The following EVC2 variants were observed in gnomAD, a reference collection of about 807,000 sequenced individuals.
EVC2 encodes EvC ciliary complex subunit 2, also known as limbin.
A neutral mutation model predicts 149.3 loss-of-function variants in EVC2; 148 were observed. The ratio of observed to expected loss-of-function variants is 0.99; its 90% CI spans 0.87 to 1.14. The LOEUF (loss-of-function observed/expected upper bound fraction) is 1.14, where lower values mean the gene tolerates loss of function less well. EVC2 is among the 50% of genes most tolerant of loss of function. The pLI, the probability that EVC2 is intolerant of heterozygous loss-of-function variation, is 0.00. For synonymous variants in EVC2, 776 were observed against 649.9 expected (o/e 1.19, Z -2.95); for missense variants, 1,854 against 1,627.3 (o/e 1.14, Z -2.40).
chr4:5,534,852 T>C, the EVC2 span, among the ~76,000 whole-genome samples: 1 of 147,856 alleles, frequency 6.8e-6, no homozygotes, highest in Non-Finnish European at 1.5e-5. Context: ...GCTAGATTCC[T>C]ATTTGAATGA....
intron 9 of EVC2, among the ~76,000 whole-genome samples, chr4:5,656,135 C>T (rs948355229): frequency 5.3e-5 from 8 of 152,164 alleles, no homozygotes; most frequent in African/African-American, 1.9e-4. Context: ...GGTCCACAAA[C>T]AGCCAGGAAG....
At chr4:5,704,769 G>T (rs1722030244) in intron 1 of EVC2, among the ~76,000 whole-genome samples, 1 of 152,078 alleles carries the variant, frequency 6.6e-6, no homozygotes, top group African/African-American at 2.4e-5. Context: ...GCAGTGGTGA[G>T]ATCATAGCTC....
chr4:5,685,141 TG>T (rs1280276558), intron 6 of EVC2, among the ~76,000 whole-genome samples: 1 of 152,194 alleles, frequency 6.6e-6, no homozygotes, highest in Non-Finnish European at 1.5e-5. Flanking sequence ...GATAACCTCA[TG>T]TGAGGCCCAG....
At chr4:5,650,199 G>A (rs867278794) in intron 9 of EVC2, among the ~76,000 whole-genome samples, 2 of 152,074 alleles carry the variant, frequency 1.3e-5, no homozygotes. Flanking sequence ...TCCTTCCTGG[G>A]ATTTCCATAT....
intron 10 of EVC2, among the ~76,000 whole-genome samples, chr4:5,639,980 C>A (rs372788042): frequency 2.6e-5 from 4 of 152,146 alleles, no homozygotes; most frequent in African/African-American, 9.7e-5. Flanking sequence ...AAGTAATCAA[C>A]ACATTTTTGC....
chr4:5,640,970 C>G lies in EVC2; in HGVS notation c.1146-132G>C, dbSNP rs142093594. 11 of 1,032,354 alleles carry G rather than the reference C, an allele frequency of 1.1e-5. No individual in the cohort carries two copies. Among genetic ancestry groups the G allele is most frequent in the Non-Finnish European group, 1.6e-5 (11 of 682,200 alleles). The allele number at this position is 1,032,354 out of a possible 1,614,324, so 63.9% of individuals were successfully genotyped here. A position where few individuals can be genotyped will look rare whatever the true frequency, so the allele number is the denominator to read the frequency against. On this transcript the variant is annotated intron_variant, in intron 9 of 21. Coordinates refer to ENST00000344408, the MANE Select transcript of EVC2 (RefSeq NM_147127.5). The surrounding 1 kb of genome is among the most constrained non-coding windows in gnomAD (Gnocchi z 4.6). ...TTCGTCTTCCTTTTCTTCCTTTCCC[C>G]GCTCACTTCTGCTTCATCCAGTTAT...
At chr4:5,646,379 C>G (rs1456697820) in intron 9 of EVC2, among the ~76,000 whole-genome samples, 1 of 151,978 alleles carries the variant, frequency 6.6e-6, no homozygotes, top group East Asian at 1.9e-4. Context: ...ATTCATGTCC[C>G]TTGTCCACTT....
chr4:5,618,717 G>A lies in EVC2; in HGVS notation c.2502-35C>T. ...AGAACAGAGACACACTCTTAACACA[G>A]AGAAAGCCTGGGGGCTGGGCTGGGG... On this transcript the variant is annotated intron_variant, in intron 14 of 21. Transcript: ENST00000344408. The surrounding 1 kb of genome is among the most constrained non-coding windows in gnomAD (Gnocchi z 4.4). 1 of 1,554,728 alleles carries A rather than the reference G, an allele frequency of 6.4e-7. No homozygotes were observed. The highest frequency in any genetic ancestry group is 8.7e-7 in the Non-Finnish European group (1 of 1,147,148).
At chr4:5,531,331 AT>A in the EVC2 span, among the ~76,000 whole-genome samples, 128 of 152,286 alleles carry the variant, frequency 8.4e-4, no homozygotes, top group African/African-American at 2.9e-3. Flanking sequence ...CCTCGCAGAT[AT>A]AATAAAATGG....
intron 8 of EVC2, 25 bp downstream of exon 8, chr4:5,665,490 C>T (rs1719204814): frequency 1.2e-6 from 2 of 1,613,896 alleles, no homozygotes; most frequent in Non-Finnish European, 8.5e-7. Flanking sequence ...CACCACCTTC[C>T]AAACCACCCT....
rs533161741 is a variant in EVC2 at position 5,576,967 on chromosome 4, G to A, written c.3058-513C>T. Among the ~76,000 whole-genome samples, 4 of 152,278 alleles carry A rather than the reference G, an allele frequency of 2.6e-5. No individual in the cohort carries two copies. Among genetic ancestry groups the A allele is most frequent in the Admixed American group, 1.3e-4 (2 of 15,302 alleles). ...GCTGGCACCTGTCACTGCATATGGT[G>A]GGGTATCTGCATGCACCCGGCATGG... is the stretch of plus-strand genomic sequence containing the variant. On this transcript the variant is annotated intron_variant, in intron 17 of 21. Transcript: ENST00000344408. The surrounding 1 kb of genome is among the most constrained non-coding windows in gnomAD (Gnocchi z 4.5).
rs140363692 is a variant in EVC2 at position 5,622,858 on chromosome 4, C to T, written c.2180G>A (p.Arg727His). 65 of 1,614,112 alleles carry T rather than the reference C, an allele frequency of 4.0e-5. No homozygotes were observed. The South Asian group carries it at 4.1e-4, about 10-fold the overall frequency. ...HGATLEELQE[R>H]LDQAALDDLR... The stretch of plus-strand genomic sequence containing the variant: ...ATCGTCCAGGGCGGCCTGGTCCAGA[C>T]GCTCCTGCAGCTCCTCCAGGGTGGC... Residue 727 changes from arginine to histidine, a missense_variant, in exon 14 of 22, where the codon CGT becomes CAT. Coordinates refer to ENST00000344408, the MANE Select transcript of EVC2 (RefSeq NM_147127.5). This position sits in a 1 kb window ranked among gnomAD's most constrained non-coding sequence, Gnocchi z 5.8.
intron 1 of EVC2, among the ~76,000 whole-genome samples, chr4:5,703,192 T>G (rs924092119): frequency 6.6e-6 from 1 of 152,196 alleles, no homozygotes; most frequent in Non-Finnish European, 1.5e-5. Flanking sequence ...TTGCTTAAAG[T>G]CAAAGTATCC....
chr4:5,634,674 G>A (rs1265801109), intron 10 of EVC2, among the ~76,000 whole-genome samples: 1 of 152,146 alleles, frequency 6.6e-6, no homozygotes, highest in East Asian at 1.9e-4. Flanking sequence ...CACTTCAAAA[G>A]GGAGTTCAGA....
chr4:5,664,015 T>A (rs1719091289), intron 8 of EVC2, among the ~76,000 whole-genome samples: 1 of 152,198 alleles, frequency 6.6e-6, no homozygotes, highest in African/African-American at 2.4e-5. Flanking sequence ...ATAAGAGATA[T>A]CTGTGTTGTC....
In EVC2 at chr4:5,704,071, G is replaced by C. The variant is rs79039162; in HGVS notation, c.228+4215C>G. Among the ~76,000 whole-genome samples, 361 of 152,190 alleles carry C rather than the reference G, an allele frequency of 2.4e-3. 2 individuals are homozygous for C. Among genetic ancestry groups the C allele is most frequent in the African/African-American group, 7.9e-3 (329 of 41,530 alleles). On this transcript the variant is annotated intron_variant, in intron 1 of 21. Coordinates refer to ENST00000344408, the MANE Select transcript of EVC2 (RefSeq NM_147127.5). ...AGTGGTTTCTGCTCTGGGGACAATG[G>C]GAAGCCACCGTGAGCTACTCCGTGA...
At chr4:5,635,823 G>A (rs982551116) in intron 10 of EVC2, among the ~76,000 whole-genome samples, 6 of 152,170 alleles carry the variant, frequency 3.9e-5, no homozygotes, top group Non-Finnish European at 7.3e-5. Context: ...GAAAAGCAGC[G>A]GGGAGAGCCT....
intron 9 of EVC2, among the ~76,000 whole-genome samples, chr4:5,660,271 G>A (rs915975619): frequency 6.6e-6 from 1 of 152,152 alleles, no homozygotes; most frequent in Non-Finnish European, 1.5e-5. Context: ...CTGCACTTAC[G>A]AGGCTCCAAG....
intron 15 of EVC2, among the ~76,000 whole-genome samples, chr4:5,617,669 A>G (rs1336429925): frequency 6.6e-6 from 1 of 152,220 alleles, no homozygotes; most frequent in Non-Finnish European, 1.5e-5. Context: ...GTGCTCAGGG[A>G]AGGCTTCCTA....
Sources: gnomAD v4.1 joint callset for allele counts (sites outside exome capture counted in the v4.1 genomes callset) on GRCh38, gnomAD v4.1.1 for gene constraint, Gnocchi (gnomAD v3.1) non-coding constraint, MANE v1.5 for transcripts, NCBI Gene and HGNC (gene_info 2026-07-23, HGNC 2026-07-21) for gene names.